Variants in CCSER1 observed in about 807,000 individuals in gnomAD.
CCSER1 encodes serine-rich coiled-coil domain-containing protein 1.
A neutral mutation model predicts 82.0 loss-of-function variants in CCSER1; 41 were observed. That is an observed-to-expected ratio of 0.50 (90% confidence interval 0.39 to 0.65). CCSER1 has a LOEUF of 0.65. Among genes scored for constraint, CCSER1 ranks in the 30% least tolerant of loss-of-function variants. CCSER1 has a pLI of 0.00. For synonymous variants in CCSER1, 414 were observed against 383.9 expected (o/e 1.08, Z -0.92); for missense variants, 1,119 against 1,064.2 (o/e 1.05, Z -0.72).
In CCSER1 at chr4:90,863,922, CT is replaced by C. The variant is rs1251696974; in HGVS notation, c.2094+48078del. On this transcript the variant is annotated intron_variant, in intron 8 of 10. Coordinates refer to ENST00000509176, the MANE Select transcript of CCSER1 (RefSeq NM_001145065.2). Reference sequence around the variant, plus strand: ...AATCTCATCTGGATCAGATTTTTTTCTACTTTATTCAATTCTACCTATCACG... The same window carrying C: ...AATCTCATCTGGATCAGATTTTTTTCACTTTATTCAATTCTACCTATCACG... Among the ~76,000 whole-genome samples, 4 of 150,734 alleles carry C rather than the reference CT, an allele frequency of 2.7e-5. No individual in the cohort carries two copies. The East Asian group carries it at 7.8e-4, about 29-fold the overall frequency.
chr4:90,362,838 T>A (rs957932258), intron 3 of CCSER1, among the ~76,000 whole-genome samples: 1 of 152,174 alleles, frequency 6.6e-6, no homozygotes, highest in Non-Finnish European at 1.5e-5. Flanking sequence ...TCCTTTGCAG[T>A]TAACAGTATA....
intron 10 of CCSER1, among the ~76,000 whole-genome samples, chr4:91,093,644 A>T (rs1024643937): frequency 3.3e-5 from 5 of 152,328 alleles, no homozygotes; most frequent in Admixed American, 3.3e-4. Flanking sequence ...GAGGTAGGCC[A>T]CTGGTCTTGG....
chr4:91,128,327 T>A (rs1400334917), intron 10 of CCSER1, among the ~76,000 whole-genome samples: 1 of 152,058 alleles, frequency 6.6e-6, no homozygotes, highest in Non-Finnish European at 1.5e-5. Flanking sequence ...TACATTAAAT[T>A]TCATTCTCTT....
intron 10 of CCSER1, among the ~76,000 whole-genome samples, chr4:91,515,014 CA>C (rs1185181899): frequency 6.6e-6 from 1 of 152,220 alleles, no homozygotes; most frequent in East Asian, 1.9e-4. Context: ...AACACCCTCA[CA>C]AAAACACCCG....
intron 5 of CCSER1, among the ~76,000 whole-genome samples, chr4:90,475,543 G>A (rs1438871598): frequency 2.6e-5 from 4 of 152,296 alleles, no homozygotes; most frequent in Non-Finnish European, 4.4e-5. Context: ...CTTCAAATGT[G>A]TTCTCTGCAG....
intron 3 of CCSER1, among the ~76,000 whole-genome samples, chr4:90,390,405 C>G (rs1750802965): frequency 6.6e-6 from 1 of 151,986 alleles, no homozygotes; most frequent in African/African-American, 2.4e-5. Context: ...AGCATTGTAC[C>G]CAGTGGTTAG....
At chr4:90,735,099 C>T (rs927110648) in intron 7 of CCSER1, among the ~76,000 whole-genome samples, 3 of 152,094 alleles carry the variant, frequency 2.0e-5, no homozygotes, top group African/African-American at 7.2e-5. Context: ...TATTGCCCTT[C>T]ATTCTGTTGA....
At chr4:90,292,958 T>G (rs1227944235) in intron 1 of CCSER1, among the ~76,000 whole-genome samples, 1 of 151,938 alleles carries the variant, frequency 6.6e-6, no homozygotes, top group Non-Finnish European at 1.5e-5. Flanking sequence ...AAAATTCTTT[T>G]TCTCAGACTT....
At chr4:90,512,707 AT>A (rs1771714932) in intron 5 of CCSER1, among the ~76,000 whole-genome samples, 1 of 152,200 alleles carries the variant, frequency 6.6e-6, no homozygotes, top group Non-Finnish European at 1.5e-5. Flanking sequence ...ATAATTACTA[AT>A]CCAATCACAT....
intron 5 of CCSER1, among the ~76,000 whole-genome samples, chr4:90,605,889 T>G (rs1213133385): frequency 1.3e-5 from 2 of 152,060 alleles, no homozygotes; most frequent in Non-Finnish European, 2.9e-5. Context: ...TATTTCTAGT[T>G]TTATAGTGCT....
chr4:91,588,522 C>G (rs1764118539), intron 10 of CCSER1, among the ~76,000 whole-genome samples: 1 of 151,476 alleles, frequency 6.6e-6, no homozygotes, highest in Admixed American at 6.6e-5. Context: ...TGTCTTATTC[C>G]TTATTTATAC....
chr4:90,342,144 A>G (rs567745647), intron 3 of CCSER1, among the ~76,000 whole-genome samples: 1 of 152,312 alleles, frequency 6.6e-6, no homozygotes, highest in African/African-American at 2.4e-5. Context: ...ATTGAATACA[A>G]GAGATTTGAA....
intron 8 of CCSER1, among the ~76,000 whole-genome samples, chr4:90,870,253 A>G (rs1193424476): frequency 2.0e-5 from 3 of 151,402 alleles, no homozygotes; most frequent in Non-Finnish European, 4.4e-5. Context: ...GTGAAAGTGT[A>G]CTCTTGTTGT....
intron 10 of CCSER1, among the ~76,000 whole-genome samples, chr4:91,514,767 G>A (rs1022210129): frequency 2.6e-5 from 4 of 152,198 alleles, no homozygotes; most frequent in African/African-American, 9.6e-5. Context: ...TGAGAACCAT[G>A]AGAGCTGATG....
intron 10 of CCSER1, among the ~76,000 whole-genome samples, chr4:91,522,449 TA>T (rs1202568129): frequency 6.6e-6 from 1 of 152,206 alleles, no homozygotes; most frequent in East Asian, 1.9e-4. Flanking sequence ...ACTGAATCTA[TA>T]AATTACCTTG....
intron 4 of CCSER1, among the ~76,000 whole-genome samples, chr4:90,412,897 T>A (rs922017347): frequency 1.3e-5 from 2 of 151,964 alleles, no homozygotes; most frequent in African/African-American, 4.8e-5. Context: ...GTACTGGAAG[T>A]CCTAGCCAGA....
intron 1 of CCSER1, among the ~76,000 whole-genome samples, chr4:90,142,040 A>G (rs375731655): frequency 6.6e-6 from 1 of 152,196 alleles, no homozygotes; most frequent in Non-Finnish European, 1.5e-5. Context: ...AGAGTAATAA[A>G]CATTTGCTTT....
At chr4:90,358,318 G>C (rs1744712814) in intron 3 of CCSER1, among the ~76,000 whole-genome samples, 1 of 152,030 alleles carries the variant, frequency 6.6e-6, no homozygotes, top group African/African-American at 2.4e-5. Context: ...TCTGTCTCTA[G>C]TCTAGTCAGC....
chr4:90,903,801 C>T (rs1256185031), intron 8 of CCSER1, among the ~76,000 whole-genome samples: 1 of 149,406 alleles, frequency 6.7e-6, no homozygotes, highest in Non-Finnish European at 1.5e-5. Context: ...CACACCACTG[C>T]ACTCCAGCCT....
Sources: allele counts gnomAD v4.1 joint callset (sites outside exome capture counted in the v4.1 genomes callset), GRCh38; gene constraint gnomAD v4.1.1; transcripts MANE v1.5; gene names NCBI Gene and HGNC (gene_info 2026-07-23, HGNC 2026-07-21).